BMPR1B: variants seen among roughly 807,000 people sequenced by gnomAD.
BMPR1B encodes bone morphogenetic protein receptor type-1B.
BMPR1B carries 12 observed loss-of-function variants against 59.1 expected under a neutral mutation model. The observed-to-expected ratio is 0.20, with a 90% confidence interval of 0.13 to 0.33. The LOEUF is 0.33. Among genes scored for constraint, BMPR1B ranks in the 10% least tolerant of loss-of-function variants. The probability of loss-of-function intolerance (pLI) is 1.00; values close to 1 mark genes in which losing one functional copy is unlikely to be tolerated. For synonymous variants in BMPR1B, 237 were observed against 207.3 expected (o/e 1.14, Z -1.23); for missense variants, 550 against 610.9 (o/e 0.90, Z 1.05).
At chr4:94,881,748 AGCCACT>A (rs1301124429) in intron 2 of BMPR1B, among the ~76,000 whole-genome samples, 5 of 152,140 alleles carry the variant, frequency 3.3e-5, no homozygotes, top group African/African-American at 1.2e-4. Flanking sequence ...TACAGGCATG[AGCCACT>A]GCACCTGGCC....
At chr4:95,022,637 C>T (rs575526143) in intron 3 of BMPR1B, among the ~76,000 whole-genome samples, 7 of 151,948 alleles carry the variant, frequency 4.6e-5, no homozygotes, top group African/African-American at 9.6e-5. Context: ...TTATGTTCTA[C>T]GGCAGGAAAA....
chr4:94,856,785 AAACTATGCCAGGTG>A (rs1163193916), intron 1 of BMPR1B, among the ~76,000 whole-genome samples: 2 of 152,346 alleles, frequency 1.3e-5, no homozygotes, highest in East Asian at 3.9e-4. Flanking sequence ...CTAATTTAGA[AAACTATGCCAGGTG>A]AGGGCCTATC....
intron 4 of BMPR1B, 141 bp downstream of exon 4, chr4:95,104,708 T>C: frequency 2.7e-6 from 3 of 1,115,990 alleles, no homozygotes; most frequent in Non-Finnish European, 3.9e-6. Flanking sequence ...GCTGTGCTTG[T>C]ATTAGAGAAA....
rs543758201 is a variant in BMPR1B, at chr4:95,111,161, A to T, written c.144-3559A>T. Among the ~76,000 whole-genome samples the T allele has an allele frequency of 3.3e-5, 5 of 152,270 alleles. No homozygotes were observed. In the East Asian group the frequency reaches 7.7e-4, roughly 23 times the overall value. ...GCCAGGTGCAACTGAGCAGATAGATACCCATCATATAAATATAATGCTTTC... is the reference window on the plus strand; with the variant it reads ...GCCAGGTGCAACTGAGCAGATAGATTCCCATCATATAAATATAATGCTTTC... On this transcript the variant is annotated intron_variant, in intron 4 of 12. Coordinates refer to ENST00000515059, the MANE Select transcript of BMPR1B (RefSeq NM_001203.3).
intron 1 of BMPR1B, among the ~76,000 whole-genome samples, chr4:94,787,111 G>T (rs1722791983): frequency 6.6e-6 from 1 of 152,196 alleles, no homozygotes; most frequent in South Asian, 2.1e-4. Context: ...TGATATGTAG[G>T]AGACCAGTTG....
chr4:95,022,468 G>T (rs1265261385), intron 3 of BMPR1B, among the ~76,000 whole-genome samples: 1 of 151,976 alleles, frequency 6.6e-6, no homozygotes, highest in South Asian at 2.1e-4. Flanking sequence ...ATTTGGCATG[G>T]TCAGCTTTTT....
chr4:95,098,045 T>C (rs1031066195), intron 3 of BMPR1B, among the ~76,000 whole-genome samples: 2 of 152,146 alleles, frequency 1.3e-5, no homozygotes, highest in Non-Finnish European at 2.9e-5. Flanking sequence ...GTATCTTTTA[T>C]CTCTTTTGAT....
At chr4:95,148,052 A>T (rs1734770618) in intron 10 of BMPR1B, among the ~76,000 whole-genome samples, 1 of 152,198 alleles carries the variant, frequency 6.6e-6, no homozygotes, top group Non-Finnish European at 1.5e-5. Flanking sequence ...TGAAAAAAAA[A>T]GTTAAATGCT....
intron 2 of BMPR1B, among the ~76,000 whole-genome samples, chr4:94,981,003 A>ACGCGCGCGTATGCGCGCG (rs141994255): frequency 1.3e-4 from 12 of 90,796 alleles, no homozygotes; most frequent in Admixed American, 5.2e-4. Context: ...ACACACACAC[A>ACGCGCGCGTATGCGCGCG]CACACACACA....
chr4:95,099,995 A>T (rs1250926763), intron 3 of BMPR1B, among the ~76,000 whole-genome samples: 4 of 152,178 alleles, frequency 2.6e-5, no homozygotes, highest in Admixed American at 2.0e-4. Context: ...TTTAAAATAC[A>T]TAAGTCGTTT....
At chr4:94,765,079 A>G (rs1236429553) in intron 1 of BMPR1B, among the ~76,000 whole-genome samples, 1 of 152,170 alleles carries the variant, frequency 6.6e-6, no homozygotes, top group African/African-American at 2.4e-5. Flanking sequence ...TAACCTGCAT[A>G]TATTATTCAG....
chr4:94,787,043 A>G (rs1722789742), intron 1 of BMPR1B, among the ~76,000 whole-genome samples: 1 of 152,164 alleles, frequency 6.6e-6, no homozygotes, highest in African/African-American at 2.4e-5. Context: ...CAGGGCGACA[A>G]GGAATGAATT....
At chr4:95,029,449 A>T in intron 3 of BMPR1B, among the ~76,000 whole-genome samples, 1 of 152,094 alleles carries the variant, frequency 6.6e-6, no homozygotes, top group Admixed American at 6.6e-5. Flanking sequence ...ATGGCTGCAT[A>T]GTATTCCATC....
chr4:95,032,497 T>G (rs1724940563), intron 3 of BMPR1B, among the ~76,000 whole-genome samples: 1 of 152,052 alleles, frequency 6.6e-6, no homozygotes, highest in Non-Finnish European at 1.5e-5. Flanking sequence ...GTCCATAACA[T>G]TCTTTATATC....
chr4:94,770,530 G>C (rs180872506), intron 1 of BMPR1B, among the ~76,000 whole-genome samples: 32 of 151,980 alleles, frequency 2.1e-4, no homozygotes, highest in Admixed American at 2.1e-3. Context: ...TAAAGTTTTG[G>C]AGATCTTGTA....
chr4:95,007,498 T>C (rs1487565202), intron 3 of BMPR1B, among the ~76,000 whole-genome samples: 1 of 152,188 alleles, frequency 6.6e-6, no homozygotes, highest in Non-Finnish European at 1.5e-5. Context: ...ATAAAAGCTA[T>C]GGAAAAAATA....
intron 4 of BMPR1B, among the ~76,000 whole-genome samples, chr4:95,107,856 T>G (rs1731302864): frequency 6.6e-6 from 1 of 152,054 alleles, no homozygotes; most frequent in Non-Finnish European, 1.5e-5. Flanking sequence ...TTGATTCCAG[T>G]TGAATCTTCC....
At chr4:95,053,391 A>G (rs1030909042) in intron 3 of BMPR1B, among the ~76,000 whole-genome samples, 33 of 151,928 alleles carry the variant, frequency 2.2e-4, no homozygotes, top group Admixed American at 2.2e-3. Flanking sequence ...TTCTGGACCC[A>G]GAATGCCTGG....
At chr4:94,837,478 C>G (rs1306476213) in intron 1 of BMPR1B, among the ~76,000 whole-genome samples, 1 of 144,418 alleles carries the variant, frequency 6.9e-6, no homozygotes, top group Non-Finnish European at 1.5e-5. Context: ...CTTCACATCC[C>G]TTGGAAGTTG....
Sources: allele counts gnomAD v4.1 joint callset (sites outside exome capture counted in the v4.1 genomes callset), GRCh38; gene constraint gnomAD v4.1.1; transcripts MANE v1.5; gene names NCBI Gene and HGNC (gene_info 2026-07-23, HGNC 2026-07-21).